SEMA6D: variants seen among roughly 807,000 people sequenced by gnomAD.
The protein encoded by SEMA6D is semaphorin 6D.
A neutral mutation model predicts 106.6 loss-of-function variants in SEMA6D; 35 were observed. The ratio of observed to expected loss-of-function variants is 0.33; its 90% CI spans 0.25 to 0.44. The LOEUF (loss-of-function observed/expected upper bound fraction) is 0.44. Ranked by LOEUF, SEMA6D falls within the 20% of genes least tolerant of loss-of-function variation. SEMA6D has a pLI of 1.00. For missense variants in SEMA6D, 1,185 were observed against 1,345.9 expected (o/e 0.88, Z 1.87); for synonymous variants, 499 against 487.7 (o/e 1.02, Z -0.31).
intron 3 of SEMA6D, among the ~76,000 whole-genome samples, chr15:47,495,864 C>T (rs375761802): frequency 4.0e-4 from 61 of 151,986 alleles, no homozygotes; most frequent in African/African-American, 1.3e-3. Flanking sequence ...AAAAGGTGCC[C>T]TTCATTGAAC....
intron 1 of SEMA6D, among the ~76,000 whole-genome samples, chr15:47,749,708 G>T (rs1237853658): frequency 6.6e-6 from 1 of 152,206 alleles, no homozygotes; most frequent in Admixed American, 6.5e-5. Context: ...CTAGCAGGGA[G>T]TTGGACAGCT....
At chr15:47,325,685 G>T (rs1475202672) in intron 1 of SEMA6D, among the ~76,000 whole-genome samples, 1 of 152,024 alleles carries the variant, frequency 6.6e-6, no homozygotes, top group Non-Finnish European at 1.5e-5. Context: ...CTCTTCCGTG[G>T]TTGTTGGGTC....
chr15:47,235,154 A>G (rs1669564180), intron 1 of SEMA6D, among the ~76,000 whole-genome samples: 1 of 151,970 alleles, frequency 6.6e-6, no homozygotes, highest in South Asian at 2.1e-4. Context: ...AGAAATGTCT[A>G]TTCATGTAAT....
At chr15:47,242,789 CA>C (rs1373911087) in intron 1 of SEMA6D, among the ~76,000 whole-genome samples, 1 of 152,052 alleles carries the variant, frequency 6.6e-6, no homozygotes, top group African/African-American at 2.4e-5. Context: ...AAATTTTAAA[CA>C]AGTAGAGGTG....
chr15:47,389,695 G>A lies in SEMA6D; in HGVS notation c.-238-22698G>A, dbSNP rs562279922. Among the ~76,000 whole-genome samples the A allele has an allele frequency of 2.6e-5, 4 of 152,220 alleles. 1 individual carries two copies. In the South Asian group the frequency reaches 8.3e-4, roughly 32 times the overall value. ...TATTGTAGAAAAAAATAGCAACATA[G>A]AAAACCCGAAGTGTCTTAACTCTCC... On this transcript the variant is annotated intron_variant, in intron 1 of 19. Coordinates refer to the SEMA6D transcript ENST00000558014.
At chr15:47,586,648 A>G (rs1351968915) in intron 3 of SEMA6D, among the ~76,000 whole-genome samples, 1 of 152,166 alleles carries the variant, frequency 6.6e-6, no homozygotes, top group Non-Finnish European at 1.5e-5. Flanking sequence ...ACAGCATTTT[A>G]CAATGGAGTT....
At chr15:47,569,191 G>A (rs1175615235) in intron 3 of SEMA6D, among the ~76,000 whole-genome samples, 6 of 152,150 alleles carry the variant, frequency 3.9e-5, no homozygotes, top group Non-Finnish European at 8.8e-5. Context: ...ACATTAAGCT[G>A]TAAGAAATGT....
intron 3 of SEMA6D, among the ~76,000 whole-genome samples, chr15:47,524,257 C>T (rs2044680946): frequency 6.6e-6 from 1 of 152,110 alleles, no homozygotes; most frequent in African/African-American, 2.4e-5. Context: ...TTTATTCCAT[C>T]CTGAATTAAC....
At chr15:47,662,344 T>G (rs775052770) in intron 4 of SEMA6D, among the ~76,000 whole-genome samples, 1 of 151,910 alleles carries the variant, frequency 6.6e-6, no homozygotes, top group Non-Finnish European at 1.5e-5. Flanking sequence ...AGAATGACAA[T>G]GGCAAATCCA....
intron 3 of SEMA6D, among the ~76,000 whole-genome samples, chr15:47,518,188 A>C (rs949960427): frequency 6.6e-6 from 1 of 152,198 alleles, no homozygotes; most frequent in African/African-American, 2.4e-5. Context: ...ACAGAATAGG[A>C]ATTTAATTTT....
intron 1 of SEMA6D, among the ~76,000 whole-genome samples, chr15:47,310,492 T>C (rs2036406699): frequency 6.6e-6 from 1 of 152,220 alleles, no homozygotes; most frequent in Admixed American, 6.5e-5. Context: ...TTTATTCAAC[T>C]TGTAGGCTAC....
chr15:47,351,948 A>G (rs1336000422), intron 1 of SEMA6D, among the ~76,000 whole-genome samples: 2 of 152,218 alleles, frequency 1.3e-5, no homozygotes, highest in African/African-American at 2.4e-5. Context: ...TTCTAAGAGA[A>G]TAAAATTAAA....
intron 3 of SEMA6D, among the ~76,000 whole-genome samples, chr15:47,582,120 A>G (rs1427443568): frequency 6.6e-6 from 1 of 152,206 alleles, no homozygotes; most frequent in Non-Finnish European, 1.5e-5. Context: ...GATAAATGCC[A>G]CTAAGCCATC....
intron 2 of SEMA6D, among the ~76,000 whole-genome samples, chr15:47,415,122 C>A (rs1416024052): frequency 6.6e-6 from 1 of 152,164 alleles, no homozygotes; most frequent in Non-Finnish European, 1.5e-5. Flanking sequence ...AAAAAAGCAT[C>A]TTCATCGATC....
intron 1 of SEMA6D, among the ~76,000 whole-genome samples, chr15:47,287,493 C>T (rs555542914): frequency 5.3e-5 from 8 of 152,232 alleles, no homozygotes; most frequent in African/African-American, 1.9e-4. Flanking sequence ...TTCACCTGCC[C>T]CTGCTGTCTC....
intron 2 of SEMA6D, among the ~76,000 whole-genome samples, chr15:47,431,195 A>T (rs1293560961): frequency 6.6e-6 from 1 of 152,128 alleles, no homozygotes; most frequent in East Asian, 1.9e-4. Flanking sequence ...GTATATAATA[A>T]TGTGAGTCTT....
intron 13 of SEMA6D, 40 bp downstream of exon 13, chr15:47,765,096 A>G (rs769865070): frequency 2.5e-6 from 4 of 1,596,632 alleles, no homozygotes; most frequent in Non-Finnish European, 3.4e-6. Context: ...GCACTGCTCA[A>G]AAATTTTCGG....
chr15:47,191,555 A>C (rs1332852766), intron 1 of SEMA6D, among the ~76,000 whole-genome samples: 1 of 152,188 alleles, frequency 6.6e-6, no homozygotes. Flanking sequence ...ACCTCACTTA[A>C]TTTCATTAAT....
intron 3 of SEMA6D, among the ~76,000 whole-genome samples, chr15:47,541,463 C>G (rs116848110): frequency 0.011 from 1,670 of 152,302 alleles, 16 homozygotes; most frequent in Non-Finnish European, 0.013. Context: ...ATTGCTTGAT[C>G]TCTACTTGGT....
Sources: allele counts gnomAD v4.1 joint callset (sites outside exome capture counted in the v4.1 genomes callset), GRCh38; gene constraint gnomAD v4.1.1; transcripts MANE v1.5; gene names NCBI Gene and HGNC (gene_info 2026-07-23, HGNC 2026-07-21).